IQCH: variants seen among roughly 807,000 people sequenced by gnomAD.
IQCH encodes the protein IQ domain-containing protein H.
In IQCH, 98 loss-of-function variants were observed where a neutral mutation model predicts 117.0. The ratio of observed to expected loss-of-function variants is 0.84; its 90% CI spans 0.71 to 0.99. The LOEUF is 0.99. Among genes scored for constraint, IQCH ranks in the 50% least tolerant of loss-of-function variants. The pLI is 0.00. For synonymous variants in IQCH, 412 were observed against 448.2 expected, an observed-to-expected ratio of 0.92 and a Z score of 1.02; for missense variants, 1,102 against 1,243.8, an observed-to-expected ratio of 0.89 and a Z score of 1.72.
chr15:67,274,531 A>C (rs1966041775), intron 3 of IQCH, among the ~76,000 whole-genome samples: 1 of 152,082 alleles, frequency 6.6e-6, no homozygotes, highest in South Asian at 2.1e-4. Context: ...TCTCTTTGTT[A>C]AATTTCTTTG....
chr15:67,391,784 T>C lies in IQCH; in HGVS notation c.1632+2778T>C, dbSNP rs1445062388. Among the ~76,000 whole-genome samples the C allele has an allele frequency of 6.6e-6, 1 of 152,220 alleles. No individual in the cohort carries two copies. Among genetic ancestry groups the C allele is most frequent in the East Asian group, 1.9e-4 (1 of 5,196 alleles). ...CACATTTAAATCTTTATTAAACACA[T>C]ATTGAACACAATACTGTGGCAGCAT... On this transcript the variant is annotated intron_variant, in intron 12 of 20. Transcript: ENST00000335894. This position sits in a 1 kb window ranked among gnomAD's most constrained non-coding sequence, Gnocchi z 4.3.
intron 6 of IQCH, among the ~76,000 whole-genome samples, chr15:67,349,255 G>T (rs781322639): frequency 7.2e-5 from 11 of 152,144 alleles, no homozygotes; most frequent in Non-Finnish European, 1.2e-4. Context: ...TGAAAAACTG[G>T]ATACATTGGA....
intron 3 of IQCH, among the ~76,000 whole-genome samples, chr15:67,277,689 A>G (rs1013491734): frequency 6.6e-6 from 1 of 151,932 alleles, no homozygotes; most frequent in Non-Finnish European, 1.5e-5. Flanking sequence ...ACATGCCACC[A>G]CGCCTGGCTA....
intron 4 of IQCH, among the ~76,000 whole-genome samples, chr15:67,307,971 C>T (rs978310310): frequency 2.0e-5 from 3 of 152,162 alleles, no homozygotes; most frequent in Admixed American, 6.6e-5. Flanking sequence ...GGTAGGGGTG[C>T]AGTTGAGGCA....
In IQCH at chr15:67,501,210, T is replaced by C. The variant is rs1296976045; in HGVS notation, c.*464T>C. 1 of 152,242 alleles carries C rather than the reference T, an allele frequency of 6.6e-6. No homozygotes were observed. Among genetic ancestry groups the C allele is most frequent in the African/African-American group, 2.4e-5 (1 of 41,472 alleles). The allele number at this position is 152,242 out of a possible 1,614,324, so 9.4% of individuals were successfully genotyped here. A position where few individuals can be genotyped will look rare whatever the true frequency, so the allele number is the denominator to read the frequency against. ...TTGTCAAAACACAAATGCCTTTTTT[T>C]CAAAGCTTCAAATTATATTGAAATT... On this transcript the variant is annotated 3_prime_UTR_variant, in exon 21 of 21. Transcript: ENST00000335894. This position sits in a 1 kb window ranked among gnomAD's most constrained non-coding sequence, Gnocchi z 5.2.
At position 67,417,825 on chromosome 15, in the gene IQCH, G is replaced by A. The variant is rs537707645; in HGVS notation, c.2218+774G>A. On this transcript the variant is annotated intron_variant, in intron 15 of 20. Coordinates refer to ENST00000335894, the MANE Select transcript of IQCH (RefSeq NM_001031715.3). The surrounding 1 kb of genome is among the most constrained non-coding windows in gnomAD (Gnocchi z 4.3). ...CTTACCCACATGCACAAGAAGAAAG[G>A]GTTAGTATAACAGGCCAGAGAAGGT... Among the ~76,000 whole-genome samples, 3 of 152,160 alleles carry A rather than the reference G, an allele frequency of 2.0e-5. No individual in the cohort carries two copies. The South Asian group carries it at 6.2e-4, about 32-fold the overall frequency.
At chr15:67,434,563 A>ACAGCTG (rs1318043690) in intron 16 of IQCH, among the ~76,000 whole-genome samples, 1 of 152,202 alleles carries the variant, frequency 6.6e-6, no homozygotes, top group Non-Finnish European at 1.5e-5. Flanking sequence ...GCTGCAATGG[A>ACAGCTG]CACGGCAGTG....
rs969837228 is a variant in IQCH, at chr15:67,457,361, G to T, written c.2506-7766G>T. Among the ~76,000 whole-genome samples the T allele has an allele frequency of 1.3e-5, 2 of 152,144 alleles. No homozygotes were observed. The highest frequency in any genetic ancestry group is 2.9e-5 in the Non-Finnish European group (2 of 68,026). ...CTGGAGATTCAGTGATCCAAGTGGG[G>T]AAAAAATATGTCATTTAGTAACTGC... On this transcript the variant is annotated intron_variant, in intron 16 of 20. Transcript: ENST00000335894. The surrounding 1 kb of genome is among the most constrained non-coding windows in gnomAD (Gnocchi z 5.7).
At chr15:67,267,362 A>G (rs1415992113) in intron 3 of IQCH, among the ~76,000 whole-genome samples, 1 of 152,218 alleles carries the variant, frequency 6.6e-6, no homozygotes, top group Non-Finnish European at 1.5e-5. Context: ...GCATCCTAGC[A>G]TCTGCATTTT....
rs1971433093 is a variant in IQCH at position 67,395,443 on chromosome 15, C to A, written c.1785C>A (p.Ile595=). 1 of 1,614,068 alleles carries A rather than the reference C, an allele frequency of 6.2e-7. No individual in the cohort carries two copies. The highest frequency in any genetic ancestry group is 8.5e-7 in the Non-Finnish European group (1 of 1,179,984). Residue 595 remains isoleucine (I), a synonymous_variant, in exon 13 of 21, where the codon ATC becomes ATA. Coordinates refer to ENST00000335894, the MANE Select transcript of IQCH (RefSeq NM_001031715.3). The surrounding 1 kb of genome is among the most constrained non-coding windows in gnomAD (Gnocchi z 4.0). The part of the protein sequence containing the change: ...LAVADMLDIP[I]LGSEPELAHL... ...TGGCCGATATGTTAGACATACCCAT[C>A]CTGGGCTCTGAGCCTGAACTAGCTC...
chr15:67,268,249 A>G (rs1029451301), intron 3 of IQCH, among the ~76,000 whole-genome samples: 1 of 152,264 alleles, frequency 6.6e-6, no homozygotes, highest in Non-Finnish European at 1.5e-5. Context: ...AAGTGGTGAT[A>G]ACGAATGCCA....
rs894550197 is a variant in IQCH at position 67,426,991 on chromosome 15, AAAAG to A, written c.2505+5417_2505+5420del. Among the ~76,000 whole-genome samples the A allele has an allele frequency of 1.9e-4, 29 of 152,268 alleles. No individual in the cohort carries two copies. The highest frequency in any genetic ancestry group is 6.8e-3 in the Middle Eastern group (2 of 294). On this transcript the variant is annotated intron_variant, in intron 16 of 20. Coordinates refer to ENST00000335894, the MANE Select transcript of IQCH (RefSeq NM_001031715.3). The surrounding 1 kb of genome is among the most constrained non-coding windows in gnomAD (Gnocchi z 5.1). The stretch of plus-strand genomic sequence containing the variant: ...ACAGAGACCCAGTATCCAAAAAAAA[AAAAG>A]AAGAAGAAAATCCCAGAAACAGGAG...
intron 4 of IQCH, among the ~76,000 whole-genome samples, chr15:67,325,949 G>A (rs1968385729): frequency 6.6e-6 from 1 of 151,996 alleles, no homozygotes; most frequent in Non-Finnish European, 1.5e-5. Flanking sequence ...TTTAGAAATA[G>A]GAGGTTGTTT....
chr15:67,449,466 A>G lies in IQCH; in HGVS notation c.2506-15661A>G, dbSNP rs1046234335. ...ATGGCTAGCCAGTTTTCCCAGCACCATTTATTAAATAGGGAATCCTTTCCC... is the reference window on the plus strand; with the variant it reads ...ATGGCTAGCCAGTTTTCCCAGCACCGTTTATTAAATAGGGAATCCTTTCCC... On this transcript the variant is annotated intron_variant, in intron 16 of 20. Coordinates refer to ENST00000335894, the MANE Select transcript of IQCH (RefSeq NM_001031715.3). 4.5e-3 allele frequency among the ~76,000 whole-genome samples: 678 copies of G among 152,244 alleles called. 6 individuals carry two copies. The highest frequency in any genetic ancestry group is 0.016 in the African/African-American group (645 of 41,524).
In IQCH at chr15:67,475,904, T is replaced by C. The variant is rs3865017; in HGVS notation, c.2799+86T>C. On this transcript the variant is annotated intron_variant, in intron 18 of 20. Transcript: ENST00000335894. This position sits in a 1 kb window ranked among gnomAD's most constrained non-coding sequence, Gnocchi z 5.7. The stretch of plus-strand genomic sequence containing the variant: ...GCTAATAATTTGGTGCCCCTTCAGA[T>C]AGATATTCTTTAAATACCGGTTTGA... 159,868 of 1,206,860 alleles carry C rather than the reference T, an allele frequency of 0.13. 11,478 individuals carry two copies. The highest frequency in any genetic ancestry group is 0.22 in the East Asian group (9,325 of 42,744). The allele number at this position is 1,206,860 out of a possible 1,614,324, so 74.8% of individuals were successfully genotyped here.
rs552998279 is a variant in IQCH at position 67,319,854 on chromosome 15, GA to G, written c.388-17116del. Among the ~76,000 whole-genome samples the G allele has an allele frequency of 4.4e-3, 668 of 152,274 alleles. 4 individuals carry two copies. The highest frequency in any genetic ancestry group is 0.016 in the African/African-American group (648 of 41,554). On this transcript the variant is annotated intron_variant, in intron 4 of 20. Transcript: ENST00000335894. ...GACAAATTATTTGAAGAGAAATTGT[GA>G]AAAAGGATAAACTCTTACACACATA...
At position 67,350,163 on chromosome 15, in the gene IQCH, C is replaced by T. The variant is rs549817788; in HGVS notation, c.637+5972C>T. Among the ~76,000 whole-genome samples the T allele has an allele frequency of 3.9e-5, 6 of 152,266 alleles. No homozygotes were observed. In the South Asian group the frequency reaches 1.2e-3, roughly 32 times the overall value. ...CTCAGCTGATGAATTGAGGTACATC[C>T]ATACAATGGAGTACAGCTTGCTCTA... On this transcript the variant is annotated intron_variant, in intron 6 of 20. Transcript: ENST00000335894.
At chr15:67,449,851 C>A (rs1280548943) in intron 16 of IQCH, among the ~76,000 whole-genome samples, 6 of 152,146 alleles carry the variant, frequency 3.9e-5, no homozygotes, top group Non-Finnish European at 8.8e-5. Flanking sequence ...TTCTTCCTAC[C>A]CATGAGCATG....
chr15:67,364,809 A>G lies in IQCH; in HGVS notation c.753+4924A>G, dbSNP rs1055249215. 1.3e-5 allele frequency among the ~76,000 whole-genome samples: 2 copies of G among 152,170 alleles called. No individual in the cohort carries two copies. Among genetic ancestry groups the G allele is most frequent in the African/African-American group, 2.4e-5 (1 of 41,440 alleles). On this transcript the variant is annotated intron_variant, in intron 8 of 20. Coordinates refer to ENST00000335894, the MANE Select transcript of IQCH (RefSeq NM_001031715.3). The surrounding 1 kb of genome is among the most constrained non-coding windows in gnomAD (Gnocchi z 4.1). ...CTTTTCATCTAATAGTTTATCATAAACCTTTACATATATGATTTAAAATTC... is the reference window on the plus strand; with the variant it reads ...CTTTTCATCTAATAGTTTATCATAAGCCTTTACATATATGATTTAAAATTC...
Sources: allele counts gnomAD v4.1 joint callset (sites outside exome capture counted in the v4.1 genomes callset), GRCh38; gene constraint gnomAD v4.1.1; non-coding constraint Gnocchi (gnomAD v3.1); transcripts MANE v1.5; gene names NCBI Gene and HGNC (gene_info 2026-07-23, HGNC 2026-07-21).